ATR: variants seen among roughly 807,000 people sequenced by gnomAD.
The protein encoded by ATR is ATR checkpoint kinase.
ATR carries 142 observed loss-of-function variants against 305.3 expected under a neutral mutation model. That is an observed-to-expected ratio of 0.47 (90% CI 0.41 to 0.53). The LOEUF is 0.53. Ranked by LOEUF, ATR falls within the 20% of genes least tolerant of loss-of-function variation. The probability of loss-of-function intolerance (pLI) is 0.00; values close to 1 mark genes in which losing one functional copy is unlikely to be tolerated. For synonymous variants in ATR, 1,050 were observed against 1,068.1 expected (o/e 0.98, Z 0.33); for missense variants, 2,135 against 3,133.1 (o/e 0.68, Z 7.60).
intron 27 of ATR, among the ~76,000 whole-genome samples, chr3:142,508,739 C>T (rs1476207401): frequency 6.6e-6 from 1 of 151,734 alleles, no homozygotes; most frequent in Admixed American, 6.6e-5. Flanking sequence ...CCGGCTAACA[C>T]GGTGAAACCC....
chr3:142,567,942 A>C (rs1304998403), intron 2 of ATR, 121 bp downstream of exon 2: 1 of 804,358 alleles, frequency 1.2e-6, no homozygotes, highest in Non-Finnish European at 1.9e-6. Flanking sequence ...TTGCTTGAAA[A>C]TAGTAACTAT....
At chr3:142,531,228 C>T (rs1577644756) in intron 21 of ATR, among the ~76,000 whole-genome samples, 1 of 150,808 alleles carries the variant, frequency 6.6e-6, no homozygotes, top group Non-Finnish European at 1.5e-5. Context: ...CTGAAAGTCT[C>T]TAGCAGTTTT....
chr3:142,544,452 CAAAAAAAAAAAAAAAAAA>C (rs57120276), intron 16 of ATR, among the ~76,000 whole-genome samples: 1 of 18,962 alleles, frequency 5.3e-5, no homozygotes, highest in South Asian at 2.3e-3. Flanking sequence ...ATCCTGCCTC[CAAAAAAAAAAAAAAAAAA>C]AAAAAAAAAA....
rs1210518431 is a variant in ATR, at chr3:142,457,619, C to T, written c.7640G>A (p.Arg2547Gln). Reference sequence around the variant, plus strand: ...AGGTGATTACCTCATTAAAGGCTCTCGCTGATCACGCATCAGCCTCATTGT... The same window carrying T: ...AGGTGATTACCTCATTAAAGGCTCTTGCTGATCACGCATCAGCCTCATTGT... Reference protein sequence around the residue: ...EVTMRLMRDQREPLMSVLKTF... With the variant: ...EVTMRLMRDQQEPLMSVLKTF... The change falls in exon 45 of 47, where the codon CGA becomes CAA. Residue 2547 changes from arginine (R) to glutamine (Q), a missense_variant. This residue lies in a region of ATR where 462 missense variants were observed against 887.6 expected (regional missense o/e 0.52). Transcript: ENST00000350721. The T allele has an allele frequency of 1.9e-6, 3 of 1,613,972 alleles. No individual in the cohort carries two copies. Among genetic ancestry groups the T allele is most frequent in the East Asian group, 2.2e-5 (1 of 44,862 alleles).
chr3:142,518,907 A>C (rs533167630), intron 24 of ATR, among the ~76,000 whole-genome samples: 1 of 152,284 alleles, frequency 6.6e-6, no homozygotes, highest in Admixed American at 6.5e-5. Context: ...TAAATTTTTT[A>C]AGAGATTAAA....
intron 1 of ATR, among the ~76,000 whole-genome samples, chr3:142,570,721 T>C (rs1020219387): frequency 6.6e-6 from 1 of 152,224 alleles, no homozygotes; most frequent in Admixed American, 6.5e-5. Context: ...TTTCATAGTT[T>C]TAGTTCTTAT....
chr3:142,503,369 C>A lies in ATR; in HGVS notation c.5281G>T (p.Ala1761Ser), dbSNP rs2032077464. The stretch of plus-strand genomic sequence containing the variant: ...CATTTTATAAAATATTACCTGTTAG[C>A]ATGCACTCCATTCACCTGAGTGATA... Reference protein sequence around the residue: ...TVITQVNGVHANRSEWTDELN... With the variant: ...TVITQVNGVHSNRSEWTDELN... The change falls in exon 30 of 47, where the codon GCT (alanine) becomes TCT (serine). Residue 1761 changes from alanine (A) to serine (S), a missense_variant. Transcript: ENST00000350721. The A allele has an allele frequency of 1.9e-6, 3 of 1,600,044 alleles. No individual in the cohort carries two copies. Among genetic ancestry groups the A allele is most frequent in the Non-Finnish European group, 2.6e-6 (3 of 1,167,594 alleles).
rs373136508 is a variant in ATR at position 142,535,069 on chromosome 3, T to C, written c.3945+11A>G. The C allele has an allele frequency of 1.6e-4, 250 of 1,607,856 alleles. 1 individual carries two copies. Among genetic ancestry groups the C allele is most frequent in the Admixed American group, 3.0e-4 (18 of 59,830 alleles). Reference sequence around the variant, plus strand: ...TTGTTATACATTTTTAATTATATCATATTAGCATACCTGATTTTTATACAA... The same window carrying C: ...TTGTTATACATTTTTAATTATATCACATTAGCATACCTGATTTTTATACAA... On this transcript the variant is annotated intron_variant, in intron 21 of 46. Coordinates refer to ENST00000350721, the MANE Select transcript of ATR (RefSeq NM_001184.4).
At chr3:142,573,591 A>AGC (rs2035344902) in intron 1 of ATR, among the ~76,000 whole-genome samples, 1 of 151,972 alleles carries the variant, frequency 6.6e-6, no homozygotes, top group South Asian at 2.1e-4. Context: ...TATTTAAATC[A>AGC]GCGCTGGCCA....
chr3:142,539,928 T>C (rs908706294), intron 18 of ATR, among the ~76,000 whole-genome samples: 5 of 152,176 alleles, frequency 3.3e-5, no homozygotes, highest in Non-Finnish European at 7.4e-5. Flanking sequence ...GTGGGGAATT[T>C]TATAATAAAG....
At chr3:142,469,184 A>G (rs2071198210) in intron 38 of ATR, among the ~76,000 whole-genome samples, 153 bp downstream of exon 38, 1 of 152,210 alleles carries the variant, frequency 6.6e-6, no homozygotes, top group Non-Finnish European at 1.5e-5. Flanking sequence ...ATATAATGCT[A>G]TAAATTTCTC....
intron 20 of ATR, 136 bp from the exon 21 acceptor site, chr3:142,535,341 T>C: frequency 1.0e-6 from 1 of 979,716 alleles, no homozygotes; most frequent in South Asian, 1.6e-5. Context: ...TTTCCATTCC[T>C]TCCTTTGTAC....
intron 2 of ATR, among the ~76,000 whole-genome samples, chr3:142,566,547 C>T (rs886417839): frequency 2.0e-5 from 3 of 150,424 alleles, no homozygotes; most frequent in African/African-American, 7.4e-5. Context: ...TCCCTTGAGC[C>T]CAGAAGTTCA....
chr3:142,556,175 G>A (rs763597104), intron 9 of ATR, 36 bp from the exon 10 acceptor site: 4 of 1,609,074 alleles, frequency 2.5e-6, no homozygotes, highest in South Asian at 1.1e-5. Flanking sequence ...AAACTTTCTT[G>A]CCTAATTTTG....
At chr3:142,518,430 T>A (rs2033001492) in intron 24 of ATR, among the ~76,000 whole-genome samples, 1 of 152,152 alleles carries the variant, frequency 6.6e-6, no homozygotes, top group Admixed American at 6.5e-5. Context: ...GGCAGGAGAA[T>A]CACTTGAACC....
At position 142,563,194 on chromosome 3, in the gene ATR, T is replaced by G. The variant is rs2034948081; in HGVS notation, c.293-85A>C. The G allele has an allele frequency of 3.0e-6, 4 of 1,340,738 alleles. No individual in the cohort carries two copies. In the South Asian group the frequency reaches 4.2e-5, roughly 14 times the overall value. 83.1% of individuals were successfully genotyped at this position (1,340,738 alleles called of 1,614,324 possible). On this transcript the variant is annotated intron_variant, in intron 3 of 46. Coordinates refer to ENST00000350721, the MANE Select transcript of ATR (RefSeq NM_001184.4). ...TGCTAAATCCTTGACGATTGACTTT[T>G]AAAGAATAAACTTCACTAACAAGAG...
chr3:142,553,081 A>C, intron 13 of ATR, 146 bp downstream of exon 13: 1 of 1,056,410 alleles, frequency 9.5e-7, no homozygotes, highest in Non-Finnish European at 1.4e-6. Flanking sequence ...AAACCTCTAC[A>C]TGCTGCAATA....
Position 142,561,259 on chromosome 3 carries a change from G to T in ATR, c.1333C>A (p.Pro445Thr). The T allele has an allele frequency of 1.2e-6, 2 of 1,613,856 alleles. No individual in the cohort carries two copies. The highest frequency in any genetic ancestry group is 1.7e-6 in the Non-Finnish European group (2 of 1,179,846). Reference protein sequence around the residue: ...SSSLNPSKRAPKQTEEIKHVD... With the variant: ...SSSLNPSKRATKQTEEIKHVD... ...TCATCATACTCCTCAGTCTGTTTTG[G>T]TGCTCTTTTAGAAGGGTTTAGAGAC... is the stretch of plus-strand genomic sequence containing the variant. The change falls in exon 5 of 47, where the codon CCA (proline) becomes ACA (threonine). Residue 445 changes from proline (P) to threonine (T), a missense_variant. Around this residue, in one of 9 missense-constraint regions of ATR, gnomAD observed 744 missense variants for 873.2 expected, o/e 0.85. Coordinates refer to ENST00000350721, the MANE Select transcript of ATR (RefSeq NM_001184.4).
rs749952876 is a variant in ATR, at chr3:142,538,596, T to C, written c.3611A>G (p.Asp1204Gly). 3 of 1,613,364 alleles carry C rather than the reference T, an allele frequency of 1.9e-6. No homozygotes were observed. The highest frequency in any genetic ancestry group is 1.7e-5 in the Admixed American group (1 of 59,932). Reference protein sequence around the residue: ...RAWDCFVRCLDHACLGSLLSH... With the variant: ...RAWDCFVRCLGHACLGSLLSH... ...GAGAAGGGAGCCCAGACAAGCATGA[T>C]CCAGGCAGCGAACAAAGCAGTCCCA... The change falls in exon 19 of 47, where the codon GAT (aspartate) becomes GGT (glycine). Residue 1204 changes from aspartate to glycine, a missense_variant. Asp to Gly is a moderately conservative substitution (Grantham distance 94). Coordinates refer to ENST00000350721, the MANE Select transcript of ATR (RefSeq NM_001184.4).
Sources: gnomAD v4.1 joint callset for allele counts (sites outside exome capture counted in the v4.1 genomes callset) on GRCh38, gnomAD v4.1.1 for gene constraint, gnomAD v4.1.1 regional missense constraint, MANE v1.5 for transcripts, NCBI Gene and HGNC (gene_info 2026-07-23, HGNC 2026-07-21) for gene names.